The following POLR2M variants were observed in gnomAD, a reference collection of about 807,000 sequenced individuals.
POLR2M encodes RNA polymerase II subunit M, also known as protein GRINL1A.
A neutral mutation model predicts 34.6 loss-of-function variants in POLR2M; 30 were observed. That is an observed-to-expected ratio of 0.87 (90% CI 0.65 to 1.18). The LOEUF is 1.18. Among genes scored for constraint, POLR2M ranks in the 50% most tolerant of loss-of-function variants. The probability of loss-of-function intolerance (pLI) is 0.00; values close to 1 mark genes in which losing one functional copy is unlikely to be tolerated. For synonymous variants in POLR2M, 150 were observed against 166.7 expected, an observed-to-expected ratio of 0.90 and a Z score of 0.77; for missense variants, 432 against 448.7, an observed-to-expected ratio of 0.96 and a Z score of 0.34.
In POLR2M at chr15:57,714,986, C is replaced by T; in HGVS notation, c.*307C>T. ...CTTTAAGCCAAATGAAAAGAGGTAACTTTGCTTTTTTCCTTTTTCTTACCT... is the reference window on the plus strand; with the variant it reads ...CTTTAAGCCAAATGAAAAGAGGTAATTTTGCTTTTTTCCTTTTTCTTACCT... On this transcript the variant is annotated 3_prime_UTR_variant, in exon 4 of 4. Transcript: ENST00000299638. 1 of 240,520 alleles carries T rather than the reference C, an allele frequency of 4.2e-6. No homozygotes were observed. 14.9% of individuals were successfully genotyped at this position (240,520 alleles called of 1,614,324 possible). A position where few individuals can be genotyped will look rare whatever the true frequency, so the allele number is the denominator to read the frequency against.
At chr15:57,714,515 G>A (rs544166462) in intron 3 of POLR2M, 21 bp from the exon 4 acceptor site, 1 of 1,612,024 alleles carries the variant, frequency 6.2e-7, no homozygotes, top group East Asian at 2.2e-5. Context: ...GTAACTTTGT[G>A]CTTTGCTCTT....
At chr15:57,707,765 G>C (rs1402535848) in intron 1 of POLR2M, among the ~76,000 whole-genome samples, 1 of 152,126 alleles carries the variant, frequency 6.6e-6, no homozygotes, top group African/African-American at 2.4e-5. Flanking sequence ...ACAGACATTT[G>C]GTTAATCGAA....
At position 57,708,973 on chromosome 15, in the gene POLR2M, C is replaced by T; in HGVS notation, c.373C>T (p.Gln125Ter). ...CSSVDNIKSS[Q>*]TSQNQGLGRP... ...CTCTGTAGATAACATCAAGTCATCTCAAACCTCACAAAACCAGGGACTTGG... is the reference window on the plus strand; with the variant it reads ...CTCTGTAGATAACATCAAGTCATCTTAAACCTCACAAAACCAGGGACTTGG... Residue 125 changes from glutamine to a stop codon, truncating the protein, a stop_gained, in exon 2 of 4, where the codon CAA (glutamine) becomes TAA (stop). Coordinates refer to ENST00000299638, the MANE Select transcript of POLR2M (RefSeq NM_015532.5). LOFTEE classifies it high-confidence loss of function. The T allele has an allele frequency of 6.2e-7, 1 of 1,614,020 alleles. No homozygotes were observed. The highest frequency in any genetic ancestry group is 8.5e-7 in the Non-Finnish European group (1 of 1,179,902).
chr15:57,714,185 G>T (rs1156307122), intron 3 of POLR2M, among the ~76,000 whole-genome samples: 1 of 152,136 alleles, frequency 6.6e-6, no homozygotes, highest in African/African-American at 2.4e-5. Context: ...AGGTCAAATT[G>T]TTATGTGAGT....
In POLR2M at chr15:57,717,145, T is replaced by C. The variant is rs2040979128; in HGVS notation, c.*2466T>C. 6.6e-6 allele frequency: 1 copy of C among 152,206 alleles called. No homozygotes were observed. 9.4% of individuals were successfully genotyped at this position (152,206 alleles called of 1,614,324 possible). A position where few individuals can be genotyped will look rare whatever the true frequency, so the allele number is the denominator to read the frequency against. On this transcript the variant is annotated 3_prime_UTR_variant, in exon 4 of 4. Coordinates refer to ENST00000299638, the MANE Select transcript of POLR2M (RefSeq NM_015532.5). ...TTAGTAATGCTATTTTTATAGAATA[T>C]TAAATTCTTATGTGTCTTTTGTGTC...
chr15:57,707,089 G>C (rs1489524389), intron 1 of POLR2M, 134 bp downstream of exon 1: 2 of 1,549,850 alleles, frequency 1.3e-6, no homozygotes, highest in Admixed American at 2.0e-5. Flanking sequence ...TCAGTCCTAC[G>C]GGCGAGTGGA....
At chr15:57,711,944 AAAT>A (rs1567268593) in intron 2 of POLR2M, 37 bp from the exon 3 acceptor site, 8 of 1,609,208 alleles carry the variant, frequency 5.0e-6, no homozygotes, top group Middle Eastern at 1.7e-4. Context: ...TCTACAAATA[AAAT>A]AATCTGATTG....
chr15:57,712,423 G>A (rs930864533), intron 3 of POLR2M, among the ~76,000 whole-genome samples: 1 of 152,184 alleles, frequency 6.6e-6, no homozygotes, highest in African/African-American at 2.4e-5. Flanking sequence ...GAGATGTGGG[G>A]AGACTTGTAG....
At chr15:57,709,439 G>C in intron 2 of POLR2M, 81 bp downstream of exon 2, 1 of 1,500,906 alleles carries the variant, frequency 6.7e-7, no homozygotes, top group Non-Finnish European at 9.0e-7. Flanking sequence ...TGGGTGTGGT[G>C]GTGCTTGCCT....
At chr15:57,707,460 T>G (rs902086900) in intron 1 of POLR2M, 7 of 567,596 alleles carry the variant, frequency 1.2e-5, no homozygotes, top group Admixed American at 6.6e-5. Context: ...GTGATTTTGT[T>G]TTTTAGGCAG....
rs750107632 is a variant in POLR2M at position 57,709,254 on chromosome 15, G to C, written c.654G>C (p.Leu218Phe). 2 of 1,614,094 alleles carry C rather than the reference G, an allele frequency of 1.2e-6. No homozygotes were observed. The highest frequency in any genetic ancestry group is 1.3e-5 in the African/African-American group (1 of 74,928). ...AAGAAAACGCAAGTACTAAGAACTTGACAGGCCTTTCCAGTGGGACTGAGA... is the reference window on the plus strand; with the variant it reads ...AAGAAAACGCAAGTACTAAGAACTTCACAGGCCTTTCCAGTGGGACTGAGA... ...QSEENASTKN[L>F]TGLSSGTEKK... Residue 218 changes from leucine (L) to phenylalanine (F), a missense_variant, in exon 2 of 4, where the codon TTG (leucine) becomes TTC (phenylalanine). Leu to Phe is a conservative substitution (Grantham distance 22). Coordinates refer to ENST00000299638, the MANE Select transcript of POLR2M (RefSeq NM_015532.5).
intron 3 of POLR2M, among the ~76,000 whole-genome samples, chr15:57,713,986 C>T (rs2040845446): frequency 6.6e-6 from 1 of 151,540 alleles, no homozygotes; most frequent in Non-Finnish European, 1.5e-5. Flanking sequence ...ACGCCGGGTT[C>T]ACAGGCACCC....
chr15:57,713,255 G>T (rs1046299069), intron 3 of POLR2M, among the ~76,000 whole-genome samples: 1 of 151,218 alleles, frequency 6.6e-6, no homozygotes, highest in Non-Finnish European at 1.5e-5. Flanking sequence ...TAAAAGCCTT[G>T]GCATGGATTG....
intron 3 of POLR2M, 66 bp from the exon 4 acceptor site, chr15:57,714,470 C>T (rs1448892463): frequency 3.8e-6 from 6 of 1,593,048 alleles, no homozygotes; most frequent in Non-Finnish European, 5.1e-6. Context: ...TAGGTAACTT[C>T]CCATTGAAAA....
Position 57,706,832 on chromosome 15 carries a change from G to T in POLR2M, c.-11G>T. 1 of 1,555,808 alleles carries T rather than the reference G, an allele frequency of 6.4e-7. No individual in the cohort carries two copies. Among genetic ancestry groups the T allele is most frequent in the Non-Finnish European group, 8.7e-7 (1 of 1,148,618 alleles). On this transcript the variant is annotated 5_prime_UTR_variant, in exon 1 of 4. Coordinates refer to ENST00000299638, the MANE Select transcript of POLR2M (RefSeq NM_015532.5). ...AGTGCCCGCCGCCGCGCCAGCCTCA[G>T]CCCGCGCAGAATGTGCTCGCTGCCC...
intron 1 of POLR2M, chr15:57,707,324 A>C: frequency 1.4e-6 from 1 of 726,138 alleles, no homozygotes; most frequent in Non-Finnish European, 2.4e-6. Context: ...CTGGATTCTA[A>C]GCTTACAGGA....
intron 2 of POLR2M, among the ~76,000 whole-genome samples, chr15:57,709,791 A>G (rs2040638415): frequency 6.6e-6 from 1 of 152,132 alleles, no homozygotes; most frequent in South Asian, 2.1e-4. Flanking sequence ...ATTTATTATG[A>G]CTTCTTTTTT....
chr15:57,711,277 T>A (rs1263579539), intron 2 of POLR2M, among the ~76,000 whole-genome samples: 1 of 152,240 alleles, frequency 6.6e-6, no homozygotes, highest in Non-Finnish European at 1.5e-5. Flanking sequence ...CTCATCTCTC[T>A]CGGGCTGTAA....
Position 57,714,576 on chromosome 15 carries a change from G to A in POLR2M, c.1004G>A (p.Arg335Lys). The change falls in exon 4 of 4, where the codon AGA (arginine) becomes AAA (lysine). Residue 335 changes from arginine to lysine, a missense_variant. Transcript: ENST00000299638. Reference protein sequence around the residue: ...AKLAAQKLAERLNIKMRSYNP... With the variant: ...AKLAAQKLAEKLNIKMRSYNP... ...CTCGCAGCGCAAAAATTAGCTGAAA[G>A]ACTGAATATTAAAATGCGGAGTTAT... The A allele has an allele frequency of 6.2e-7, 1 of 1,613,866 alleles. No homozygotes were observed. The highest frequency in any genetic ancestry group is 8.5e-7 in the Non-Finnish European group (1 of 1,179,868).
Sources: gnomAD v4.1 joint callset for allele counts (sites outside exome capture counted in the v4.1 genomes callset) on GRCh38, gnomAD v4.1.1 for gene constraint, MANE v1.5 for transcripts, NCBI Gene and HGNC (gene_info 2026-07-23, HGNC 2026-07-21) for gene names.